The following TIAM1 variants were observed in gnomAD, a reference collection of about 807,000 sequenced individuals.
TIAM1 encodes rho guanine nucleotide exchange factor TIAM1.
A neutral mutation model predicts 163.5 loss-of-function variants in TIAM1; 65 were observed. The ratio of observed to expected loss-of-function variants is 0.40; its 90% confidence interval spans 0.33 to 0.49. The LOEUF is 0.49. TIAM1 is among the 20% of genes least tolerant of loss of function. The pLI is 0.77. For missense variants in TIAM1, 1,789 were observed against 2,044.7 expected, an observed-to-expected ratio of 0.87 and a Z score of 2.41; for synonymous variants, 833 against 810.1, an observed-to-expected ratio of 1.03 and a Z score of -0.48.
chr21:31,196,452 C>T (rs1364051925), intron 12 of TIAM1, among the ~76,000 whole-genome samples: 3 of 150,450 alleles, frequency 2.0e-5, no homozygotes, highest in Non-Finnish European at 4.4e-5. Context: ...GCTGGGATTA[C>T]AGGCGTTTGC....
rs193159193 is a variant in TIAM1 at position 31,490,185 on chromosome 21, T to C, written c.-421-26150A>G. ...ATTCTTGTTAACTCAGAGAGGCAAA[T>C]TCTTCTATTCCTGCCCTGTGATCAT... On this transcript the variant is annotated intron_variant, in intron 1 of 28. Transcript: ENST00000286827. Among the ~76,000 whole-genome samples, 21 of 152,286 alleles carry C rather than the reference T, an allele frequency of 1.4e-4. 1 individual carries two copies. The highest frequency in any genetic ancestry group is 6.2e-4 in the South Asian group (3 of 4,816).
intron 2 of TIAM1, among the ~76,000 whole-genome samples, chr21:31,459,331 T>C (rs2045237575): frequency 6.6e-6 from 1 of 152,142 alleles, no homozygotes; most frequent in Non-Finnish European, 1.5e-5. Flanking sequence ...AGGCTGGTCT[T>C]GAACTTCTGG....
At chr21:31,248,314 CTGTT>C (rs575864311) in intron 5 of TIAM1, among the ~76,000 whole-genome samples, 4 of 152,294 alleles carry the variant, frequency 2.6e-5, no homozygotes, top group East Asian at 1.9e-4. Flanking sequence ...CATCAGGTAA[CTGTT>C]TGTATAATTT....
chr21:31,339,285 G>T lies in TIAM1; in HGVS notation c.-231C>A, dbSNP rs990853755. On this transcript the variant is annotated 5_prime_UTR_variant, in exon 2 of 28. Transcript: ENST00000541036. ...AGGCTTTGTCAAGATCTCCAAATGGGCCATCTGCAGGGACTGCTCACATAC... is the reference window on the plus strand; with the variant it reads ...AGGCTTTGTCAAGATCTCCAAATGGTCCATCTGCAGGGACTGCTCACATAC... 7.5e-6 allele frequency: 3 copies of T among 398,408 alleles called. No homozygotes were observed. In the East Asian group the frequency reaches 1.1e-4, roughly 14 times the overall value. 24.7% of individuals were successfully genotyped at this position (398,408 alleles called of 1,614,324 possible).
chr21:31,234,179 A>G (rs2088604852), intron 6 of TIAM1, among the ~76,000 whole-genome samples: 1 of 152,282 alleles, frequency 6.6e-6, no homozygotes, highest in Admixed American at 6.5e-5. Flanking sequence ...AGAAAGGAGA[A>G]GCCATGCCTG....
chr21:31,501,822 C>T (rs921454806), intron 1 of TIAM1, among the ~76,000 whole-genome samples: 31 of 152,272 alleles, frequency 2.0e-4, no homozygotes, highest in Middle Eastern at 3.4e-3. Context: ...AGGCTGGTCT[C>T]GAACTCCTGA....
chr21:31,202,672 C>T (rs2086260150), intron 12 of TIAM1, among the ~76,000 whole-genome samples: 1 of 152,212 alleles, frequency 6.6e-6, no homozygotes. Context: ...TAAGAGATAG[C>T]TCTAGATTTT....
At position 31,244,482 on chromosome 21, in the gene TIAM1, T is replaced by C. The variant is rs373854067; in HGVS notation, c.1584+1006A>G. On this transcript the variant is annotated intron_variant, in intron 6 of 27. Coordinates refer to ENST00000541036, the MANE Select transcript of TIAM1 (RefSeq NM_001353694.2). ...GCTTACACCTGTAATCCCAGCACTT[T>C]GGTAGGCCGAGGTGGGTGGATGACC... Among the ~76,000 whole-genome samples the C allele has an allele frequency of 6.6e-5, 10 of 152,336 alleles. No individual in the cohort carries two copies. In the South Asian group the frequency reaches 1.5e-3, roughly 22 times the overall value.
chr21:31,301,786 G>A (rs1329485176), intron 2 of TIAM1, among the ~76,000 whole-genome samples: 1 of 151,844 alleles, frequency 6.6e-6, no homozygotes, highest in East Asian at 1.9e-4. Flanking sequence ...GTTGCAGTGA[G>A]CTGAGATTGC....
At chr21:31,465,534 T>C (rs910769479) in intron 1 of TIAM1, among the ~76,000 whole-genome samples, 7 of 151,276 alleles carry the variant, frequency 4.6e-5, no homozygotes, top group Admixed American at 4.6e-4. Flanking sequence ...AACCAGCCTA[T>C]AAGGGCAGTG....
intron 8 of TIAM1, among the ~76,000 whole-genome samples, chr21:31,221,424 C>CT (rs1446186205): frequency 2.0e-5 from 3 of 152,214 alleles, no homozygotes; most frequent in Non-Finnish European, 4.4e-5. Context: ...CTCAGAGTAA[C>CT]TAACTCTCCC....
Position 31,196,715 on chromosome 21 carries a change from C to T in TIAM1, c.2494-1410G>A, listed in dbSNP as rs79367561. Among the ~76,000 whole-genome samples the T allele has an allele frequency of 9.1e-4, 139 of 152,198 alleles. No homozygotes were observed. In the Middle Eastern group the frequency reaches 0.01, roughly 11 times the overall value. ...GACTTCTCAAAGAACTTAGAACTAC[C>T]GCTTGACGCAGCAATCCCATTACTT... On this transcript the variant is annotated intron_variant, in intron 12 of 27. Coordinates refer to ENST00000541036, the MANE Select transcript of TIAM1 (RefSeq NM_001353694.2).
chr21:31,520,381 T>C (rs189509532), intron 1 of TIAM1, among the ~76,000 whole-genome samples: 1 of 152,178 alleles, frequency 6.6e-6, no homozygotes, highest in East Asian at 1.9e-4. Context: ...GTTATACATA[T>C]TTTACTGTAA....
chr21:31,363,520 T>C (rs2076443687), intron 2 of TIAM1, among the ~76,000 whole-genome samples: 1 of 152,096 alleles, frequency 6.6e-6, no homozygotes, highest in Non-Finnish European at 1.5e-5. Context: ...CCATACCACA[T>C]ATTTGTGCAA....
intron 2 of TIAM1, among the ~76,000 whole-genome samples, chr21:31,461,102 A>AT (rs1339171532): frequency 6.6e-6 from 1 of 152,246 alleles, no homozygotes; most frequent in Non-Finnish European, 1.5e-5. Context: ...CCAAACACAG[A>AT]TAAAACAAAC....
chr21:31,149,086 G>A (rs1053881711), intron 19 of TIAM1, among the ~76,000 whole-genome samples: 1 of 152,080 alleles, frequency 6.6e-6, no homozygotes, highest in Non-Finnish European at 1.5e-5. Context: ...AATCCTGCAG[G>A]CAGGCACACT....
intron 8 of TIAM1, among the ~76,000 whole-genome samples, chr21:31,222,919 T>C (rs914526073): frequency 2.6e-5 from 4 of 151,234 alleles, no homozygotes; most frequent in Admixed American, 6.6e-5. Context: ...GGTTTCACCA[T>C]GTTGGCCAGG....
chr21:31,179,109 G>A (rs367645422), intron 15 of TIAM1, among the ~76,000 whole-genome samples: 47 of 151,544 alleles, frequency 3.1e-4, no homozygotes, highest in East Asian at 1.6e-3. Flanking sequence ...CAATGTGGCC[G>A]CACACAGTGG....
chr21:31,491,149 A>AAAGGAAGGG (rs57433074), intron 1 of TIAM1, among the ~76,000 whole-genome samples: 30,546 of 151,468 alleles, frequency 0.2, 3,239 homozygotes, highest in Middle Eastern at 0.27. Flanking sequence ...AGAACGAAAG[A>AAAGGAAGGG]AAGGAAGGGA....
Sources: allele counts gnomAD v4.1 joint callset (sites outside exome capture counted in the v4.1 genomes callset), GRCh38; gene constraint gnomAD v4.1.1; transcripts MANE v1.5; gene names NCBI Gene and HGNC (gene_info 2026-07-23, HGNC 2026-07-21).